NCOA2: variants seen among roughly 807,000 people sequenced by gnomAD.
NCOA2 encodes class E basic helix-loop-helix protein 75.
NCOA2 carries 21 observed loss-of-function variants against 145.1 expected under a neutral mutation model. The ratio of observed to expected loss-of-function variants is 0.14; its 90% CI spans 0.10 to 0.21. The LOEUF (loss-of-function observed/expected upper bound fraction) is 0.21, where lower values mean the gene tolerates loss of function less well. Among genes scored for constraint, NCOA2 ranks in the 10% least tolerant of loss-of-function variants. The pLI is 1.00. For synonymous variants in NCOA2, 619 were observed against 637.5 expected (o/e 0.97, Z 0.44); for missense variants, 1,472 against 1,837.6 (o/e 0.80, Z 3.64).
intron 21 of NCOA2, 32 bp from the exon 22 acceptor site, chr8:70,121,423 C>T: frequency 6.5e-7 from 1 of 1,549,254 alleles, no homozygotes; most frequent in South Asian, 1.1e-5. Context: ...AGTGGCTACG[C>T]AGAGCAGAAT....
intron 13 of NCOA2, among the ~76,000 whole-genome samples, chr8:70,144,114 T>G (rs76634188): frequency 0.013 from 1,915 of 152,312 alleles, 25 homozygotes; most frequent in Non-Finnish European, 0.02. Flanking sequence ...ACAGGCAACT[T>G]CCTACATCTT....
At position 70,267,563 on chromosome 8, in the gene NCOA2, AATTTTTT is replaced by A. The variant is rs566163246; in HGVS notation, c.-20+29174_-20+29180del. 2.4e-3 allele frequency among the ~76,000 whole-genome samples: 370 copies of A among 151,922 alleles called. 1 individual carries two copies. Among genetic ancestry groups the A allele is most frequent in the African/African-American group, 7.3e-3 (302 of 41,438 alleles). On this transcript the variant is annotated intron_variant, in intron 2 of 22. Transcript: ENST00000452400. ...CTGGCATACGTCACCATGCCCGGCTAATTTTTTATTTTTTATTTTTTATTTTTTTGTA... is the reference window on the plus strand; with the variant it reads ...CTGGCATACGTCACCATGCCCGGCTAATTTTTTATTTTTTATTTTTTTGTA...
At chr8:70,296,415 T>C (rs1412625200) in intron 2 of NCOA2, among the ~76,000 whole-genome samples, 2 of 152,162 alleles carry the variant, frequency 1.3e-5, no homozygotes, top group Non-Finnish European at 2.9e-5. Flanking sequence ...CTCAAATTTT[T>C]ACATATAAAA....
intron 15 of NCOA2, among the ~76,000 whole-genome samples, chr8:70,133,379 C>T (rs936993567): frequency 2.6e-5 from 4 of 151,872 alleles, no homozygotes; most frequent in African/African-American, 7.3e-5. Flanking sequence ...TGTACCACCA[C>T]GCTTGGCTAA....
chr8:70,211,981 C>T (rs1819076133), intron 4 of NCOA2, among the ~76,000 whole-genome samples: 1 of 151,552 alleles, frequency 6.6e-6, no homozygotes, highest in Admixed American at 6.6e-5. Context: ...CAGCATGACA[C>T]ATCTGAACAT....
At chr8:70,337,744 T>C (rs1318218856) in intron 1 of NCOA2, among the ~76,000 whole-genome samples, 1 of 152,072 alleles carries the variant, frequency 6.6e-6, no homozygotes. Flanking sequence ...GTCATAACAG[T>C]CTCTCAGACA....
intron 8 of NCOA2, 63 bp downstream of exon 8, chr8:70,163,402 C>T (rs1249982971): frequency 1.7e-6 from 2 of 1,203,906 alleles, no homozygotes; most frequent in Admixed American, 1.9e-5. Flanking sequence ...AGAGTCCTTG[C>T]ATTCCCAAAT....
chr8:70,321,136 T>C (rs74523703), intron 1 of NCOA2, among the ~76,000 whole-genome samples: 4,340 of 152,192 alleles, frequency 0.029, 210 homozygotes, highest in African/African-American at 0.099. Context: ...AAAGCCTCAA[T>C]GGGTTTTCTA....
chr8:70,453,251 C>T, the NCOA2 span, among the ~76,000 whole-genome samples: 1 of 152,202 alleles, frequency 6.6e-6, no homozygotes, highest in Admixed American at 6.5e-5. Flanking sequence ...CTACCTTCCC[C>T]TTACCCTGGC....
chr8:70,268,303 T>C (rs534778353), intron 2 of NCOA2, among the ~76,000 whole-genome samples: 1 of 152,296 alleles, frequency 6.6e-6, no homozygotes, highest in South Asian at 2.1e-4. Context: ...ATCTTTGACA[T>C]CCACCCCAGA....
At chr8:70,260,538 G>A (rs1225446981) in intron 2 of NCOA2, among the ~76,000 whole-genome samples, 1 of 152,050 alleles carries the variant, frequency 6.6e-6, no homozygotes, top group African/African-American at 2.4e-5. Context: ...GAGGATGAAG[G>A]GTCTATCTAC....
chr8:70,111,014 G>T lies in NCOA2; in HGVS notation c.*2618C>A. On this transcript the variant is annotated 3_prime_UTR_variant, in exon 23 of 23. Coordinates refer to ENST00000452400, the MANE Select transcript of NCOA2 (RefSeq NM_006540.4). ...TACTGATAATGAAGGGAACTGATTT[G>T]GCTTTTGCTTCTATAGTGATCAATA... 4.5e-6 allele frequency: 1 copy of T among 223,816 alleles called. No homozygotes were observed. Among genetic ancestry groups the T allele is most frequent in the South Asian group, 1.8e-4 (1 of 5,440 alleles). 13.9% of individuals were successfully genotyped at this position (223,816 alleles called of 1,614,324 possible). A position where few individuals can be genotyped will look rare whatever the true frequency, so the allele number is the denominator to read the frequency against.
chr8:70,412,698 G>A, the NCOA2 span, among the ~76,000 whole-genome samples: 2 of 146,870 alleles, frequency 1.4e-5, no homozygotes, highest in African/African-American at 2.5e-5. Context: ...TAAGCCCAAT[G>A]TGAGAATCAC....
At chr8:70,201,960 T>TGATC (rs1016737892) in intron 4 of NCOA2, among the ~76,000 whole-genome samples, 1 of 152,206 alleles carries the variant, frequency 6.6e-6, no homozygotes, top group Non-Finnish European at 1.5e-5. Flanking sequence ...TCTTGGCCTA[T>TGATC]GATCATGTTT....
intron 2 of NCOA2, among the ~76,000 whole-genome samples, chr8:70,277,349 A>G (rs567818489): frequency 1.1e-3 from 175 of 152,288 alleles, no homozygotes; most frequent in Non-Finnish European, 1.8e-3. Flanking sequence ...TCCAAGTAAT[A>G]ATCTCTTCTT....
At chr8:70,320,862 A>G (rs567405640) in intron 1 of NCOA2, among the ~76,000 whole-genome samples, 1 of 152,150 alleles carries the variant, frequency 6.6e-6, no homozygotes, top group Non-Finnish European at 1.5e-5. Context: ...CACTGTGCAT[A>G]TTGTCTTTAG....
Position 70,111,592 on chromosome 8 carries a change from T to C in NCOA2, c.*2040A>G, listed in dbSNP as rs889038341. ...TTGTTCCTTGGCCACCTCCCTGTAT[T>C]GAGACCCCTCTCAAGTGGAAAAAAG... On this transcript the variant is annotated 3_prime_UTR_variant, in exon 23 of 23. Coordinates refer to ENST00000452400, the MANE Select transcript of NCOA2 (RefSeq NM_006540.4). 17 of 216,860 alleles carry C rather than the reference T, an allele frequency of 7.8e-5. No individual in the cohort carries two copies. The South Asian group carries it at 3.0e-3, about 38-fold the overall frequency. 13.4% of individuals were successfully genotyped at this position (216,860 alleles called of 1,614,324 possible). A position where few individuals can be genotyped will look rare whatever the true frequency, so the allele number is the denominator to read the frequency against.
intron 1 of NCOA2, among the ~76,000 whole-genome samples, chr8:70,299,870 A>C (rs1008398145): frequency 1.3e-5 from 2 of 152,220 alleles, no homozygotes; most frequent in Non-Finnish European, 2.9e-5. Context: ...AATAGCCAAA[A>C]ATTGTAAACA....
At chr8:70,449,096 G>A in the NCOA2 span, among the ~76,000 whole-genome samples, 1 of 152,122 alleles carries the variant, frequency 6.6e-6, no homozygotes, top group Non-Finnish European at 1.5e-5. Flanking sequence ...GTGAACCACA[G>A]CACCTGGCCT....
Sources: allele counts gnomAD v4.1 joint callset (sites outside exome capture counted in the v4.1 genomes callset), GRCh38; gene constraint gnomAD v4.1.1; transcripts MANE v1.5; gene names NCBI Gene and HGNC (gene_info 2026-07-23, HGNC 2026-07-21).